PRKAG3: variants seen among roughly 807,000 people sequenced by gnomAD.
The protein encoded by PRKAG3 is protein kinase AMP-activated non-catalytic subunit gamma 3.
A neutral mutation model predicts 56.5 loss-of-function variants in PRKAG3; 39 were observed. That is an observed-to-expected ratio of 0.69 (90% CI 0.53 to 0.90). PRKAG3 has a LOEUF of 0.90. PRKAG3 is among the 40% of genes least tolerant of loss of function. PRKAG3 has a pLI of 0.00. For synonymous variants in PRKAG3, 243 were observed against 250.1 expected, an observed-to-expected ratio of 0.97 and a Z score of 0.27; for missense variants, 628 against 627.5, an observed-to-expected ratio of 1.00 and a Z score of -0.01.
chr2:218,826,802 TA>T, intron 10 of PRKAG3, 125 bp downstream of exon 10: 1 of 1,289,608 alleles, frequency 7.8e-7, no homozygotes, highest in Non-Finnish European at 1.1e-6. Flanking sequence ...CGGAGACTTC[TA>T]ATCCCCAGTC....
At chr2:218,826,475 G>C (rs1052061083) in intron 10 of PRKAG3, among the ~76,000 whole-genome samples, 1 of 152,020 alleles carries the variant, frequency 6.6e-6, no homozygotes, top group African/African-American at 2.4e-5. Flanking sequence ...TATTATTTTA[G>C]AGACAGGGTC....
chr2:218,830,932 T>C, intron 2 of PRKAG3, 31 bp from the exon 3 acceptor site: 2 of 1,605,564 alleles, frequency 1.2e-6, no homozygotes, highest in Non-Finnish European at 1.7e-6. Flanking sequence ...GTTTGGTTAA[T>C]AGGGAGTAAT....
chr2:218,830,225 C>T, exon 4 of PRKAG3: 1 of 1,614,060 alleles, frequency 6.2e-7, no homozygotes, highest in Non-Finnish European at 8.5e-7. Context: ...ATCATCTGTG[C>T]TGGAGCCTGC....
chr2:218,828,664 C>A, intron 4 of PRKAG3, 64 bp from the exon 5 acceptor site: 1 of 1,411,122 alleles, frequency 7.1e-7, no homozygotes, highest in East Asian at 2.4e-5. Context: ...CTCTCTGCCC[C>A]TCAGTGCGCA....
At chr2:218,830,489 G>T in intron 3 of PRKAG3, 108 bp from the exon 4 acceptor site, 1 of 1,414,510 alleles carries the variant, frequency 7.1e-7, no homozygotes, top group Non-Finnish European at 9.6e-7. Context: ...TGGATGCTGT[G>T]GCCCTATTTG....
intron 2 of PRKAG3, 87 bp downstream of exon 2, chr2:218,831,249 G>C: frequency 1.9e-6 from 2 of 1,051,900 alleles, no homozygotes; most frequent in South Asian, 1.6e-5. Flanking sequence ...TAAAAGCCAG[G>C]CTGGGAGGGA....
Position 218,825,172 on chromosome 2 carries a change from T to C in PRKAG3, c.1169-596A>G, listed in dbSNP as rs542287110. Among the ~76,000 whole-genome samples the C allele has an allele frequency of 2.8e-4, 42 of 152,036 alleles. 2 individuals are homozygous for C. The South Asian group carries it at 8.7e-3, about 32-fold the overall frequency. The stretch of plus-strand genomic sequence containing the variant: ...CAACATAGTGAAACCCCATCTCTAC[T>C]AAAGATACAAAAAATTAGCCAGGTG... On this transcript the variant is annotated intron_variant, in intron 10 of 12. Coordinates refer to ENST00000529249, the Ensembl canonical transcript of PRKAG3.
Position 218,824,387 on chromosome 2 carries a change from T to C in PRKAG3, c.1207-19A>G. On this transcript the variant is annotated intron_variant, in intron 11 of 12. Coordinates refer to ENST00000529249, the Ensembl canonical transcript of PRKAG3. Reference sequence around the variant, plus strand: ...CCAGGTGCTGGGGCAGAGAGAGAAGTATGGCTCCTAGTCACCCCCTTGCCT... The same window carrying C: ...CCAGGTGCTGGGGCAGAGAGAGAAGCATGGCTCCTAGTCACCCCCTTGCCT... 1 of 1,613,944 alleles carries C rather than the reference T, an allele frequency of 6.2e-7. No individual in the cohort carries two copies. Among genetic ancestry groups the C allele is most frequent in the South Asian group, 1.1e-5 (1 of 91,066 alleles).
At chr2:218,829,192 T>G (rs1277950336) in intron 4 of PRKAG3, among the ~76,000 whole-genome samples, 1 of 152,180 alleles carries the variant, frequency 6.6e-6, no homozygotes, top group African/African-American at 2.4e-5. Flanking sequence ...AACACTGCAC[T>G]GCATAACAAT....
exon 3 of PRKAG3, chr2:218,830,754 T>C: frequency 1.2e-6 from 2 of 1,612,398 alleles, no homozygotes; most frequent in South Asian, 1.1e-5. Flanking sequence ...ACCTTCCCCC[T>C]GACCTGGTGG....
chr2:218,823,585 C>T (rs1284811348), exon 13 of PRKAG3: 64 of 1,404,756 alleles, frequency 4.6e-5, no homozygotes, highest in Non-Finnish European at 6.1e-5. Context: ...GTGTCCCAAT[C>T]TGAGATCCAG....
In PRKAG3 at chr2:218,826,921, T is replaced by C. The variant is rs201884625; in HGVS notation, c.1168+7A>G. ...CAGCCCGAGCCTCTCATCCTGGGGG[T>C]GGGTACCACATTCGTTGACCACAGG... is the stretch of plus-strand genomic sequence containing the variant. On this transcript the variant is annotated splice_region_variant and intron_variant, in intron 10 of 12. Transcript: ENST00000529249. 76 of 1,613,702 alleles carry C rather than the reference T, an allele frequency of 4.7e-5. 1 individual carries two copies. The highest frequency in any genetic ancestry group is 6.4e-5 in the Non-Finnish European group (75 of 1,179,962).
intron 2 of PRKAG3, 57 bp downstream of exon 2, chr2:218,831,279 G>A (rs577283230): frequency 2.0e-4 from 271 of 1,345,898 alleles, no homozygotes; most frequent in Middle Eastern, 1.3e-3. Context: ...CCAGAAAAGT[G>A]GGGGACAAGG....
exon 4 of PRKAG3, chr2:218,830,292 C>T (rs1234990893): frequency 6.2e-7 from 1 of 1,613,230 alleles, no homozygotes; most frequent in East Asian, 2.2e-5. Flanking sequence ...GGAGTGCCCA[C>T]CCCGGCAGGA....
chr2:218,829,968 G>A lies in PRKAG3; in HGVS notation c.633+10C>T, dbSNP rs370486325. ...GAGTGAGTACAGGTTGGGCAGAGCC[G>A]TGGCCTCACCTCCAGCATGGTGTCG... On this transcript the variant is annotated intron_variant, in intron 4 of 12. Coordinates refer to ENST00000529249, the Ensembl canonical transcript of PRKAG3. The A allele has an allele frequency of 1.7e-3, 2,722 of 1,611,848 alleles. 65 individuals are homozygous for A. The South Asian group carries it at 0.028, about 16-fold the overall frequency.
exon 4 of PRKAG3, chr2:218,830,058 T>C (rs147607066): frequency 3.1e-6 from 5 of 1,613,998 alleles, no homozygotes; most frequent in South Asian, 1.1e-5. Context: ...ATGAAGCGCA[T>C]GTAGATCTGG....
At chr2:218,824,257 A>G (rs1943898207) in exon 12 of PRKAG3, 3 of 1,614,108 alleles carry the variant, frequency 1.9e-6, no homozygotes, top group Non-Finnish European at 2.5e-6. Context: ...ACTTCCCCCA[A>G]GCTCTCGTGG....
At chr2:218,828,830 G>A (rs1943975916) in intron 4 of PRKAG3, among the ~76,000 whole-genome samples, 1 of 152,176 alleles carries the variant, frequency 6.6e-6, no homozygotes, top group Non-Finnish European at 1.5e-5. Flanking sequence ...AGATAAGGCT[G>A]TGGCCTGAGA....
intron 4 of PRKAG3, 95 bp downstream of exon 4, chr2:218,829,883 C>T (rs1334148680): frequency 6.6e-7 from 1 of 1,519,006 alleles, no homozygotes; most frequent in Non-Finnish European, 8.9e-7. Context: ...TGCAGGGGCA[C>T]CTGGCTCAGC....
Sources: gnomAD v4.1 joint callset for allele counts (sites outside exome capture counted in the v4.1 genomes callset) on GRCh38, gnomAD v4.1.1 for gene constraint, MANE v1.5 for transcripts, NCBI Gene and HGNC (gene_info 2026-07-23, HGNC 2026-07-21) for gene names.